The following KIAA0319 variants were observed in gnomAD, a reference collection of about 807,000 sequenced individuals.
KIAA0319 encodes dyslexia-associated protein KIAA0319.
In KIAA0319, 83 loss-of-function variants were observed where a neutral mutation model predicts 108.4. That is an observed-to-expected ratio of 0.77 (90% CI 0.64 to 0.92). The LOEUF (loss-of-function observed/expected upper bound fraction) is 0.92. KIAA0319 is among the 40% of genes least tolerant of loss of function. KIAA0319 has a pLI of 0.00. For missense variants in KIAA0319, 1,195 were observed against 1,322.4 expected (o/e 0.90, Z 1.49); for synonymous variants, 484 against 510.4 (o/e 0.95, Z 0.70).
chr6:24,612,404 T>C (rs138025862), intron 1 of KIAA0319, among the ~76,000 whole-genome samples: 1 of 148,898 alleles, frequency 6.7e-6, no homozygotes, highest in African/African-American at 2.5e-5. Context: ...TGTGCCCAGA[T>C]TGTGCCACTG....
In KIAA0319 at chr6:24,579,889, C is replaced by T; in HGVS notation, c.1341G>A (p.Leu447=). 6.2e-7 allele frequency: 1 copy of T among 1,604,668 alleles called. No individual in the cohort carries two copies. Among genetic ancestry groups the T allele is most frequent in the South Asian group, 1.1e-5 (1 of 89,058 alleles). The change falls in exon 8 of 21, where the codon TTG becomes TTA. Residue 447 remains leucine, a synonymous_variant. Transcript: ENST00000378214. ...CATCAATGAGGGCTGACGTCAAAGG[C>T]AAAGTGAGCTCTTGCAGTTGGGGAG... ...VVSPQLQELT[L]PLTSALIDGS...
intron 14 of KIAA0319, 104 bp from the exon 15 acceptor site, chr6:24,564,444 G>A (rs1192612826): frequency 9.8e-6 from 14 of 1,433,784 alleles, no homozygotes; most frequent in Admixed American, 5.4e-5. Flanking sequence ...TAACACAGGC[G>A]TGACTTTAAG....
intron 1 of KIAA0319, among the ~76,000 whole-genome samples, chr6:24,626,605 T>G (rs892036654): frequency 1.3e-5 from 2 of 152,222 alleles, no homozygotes; most frequent in African/African-American, 2.4e-5. Flanking sequence ...CTACTGAATT[T>G]TATACTTTAC....
intron 1 of KIAA0319, among the ~76,000 whole-genome samples, chr6:24,632,110 C>T (rs1562108634): frequency 6.6e-6 from 1 of 152,114 alleles, no homozygotes; most frequent in Admixed American, 6.5e-5. Flanking sequence ...TTTGCTTTTT[C>T]CCTATGAAGG....
intron 3 of KIAA0319, among the ~76,000 whole-genome samples, chr6:24,591,442 T>C (rs1381972754): frequency 1.6e-4 from 24 of 151,930 alleles, no homozygotes; most frequent in Admixed American, 1.6e-3. Context: ...ACTCTATCTC[T>C]ACAAAAATAA....
At chr6:24,593,019 T>C (rs992442815) in intron 3 of KIAA0319, among the ~76,000 whole-genome samples, 2 of 152,200 alleles carry the variant, frequency 1.3e-5, no homozygotes, top group Admixed American at 1.3e-4. Flanking sequence ...CATTATCTAC[T>C]GGATACCTCT....
At chr6:24,558,362 T>C (rs1762593916) in intron 17 of KIAA0319, among the ~76,000 whole-genome samples, 1 of 100,436 alleles carries the variant, frequency 1.0e-5, no homozygotes, top group Non-Finnish European at 2.1e-5. Flanking sequence ...GATATATATA[T>C]ATCTAGATAG....
chr6:24,582,208 T>G, intron 6 of KIAA0319, 41 bp downstream of exon 6: 1 of 1,116,694 alleles, frequency 9.0e-7, no homozygotes, highest in Non-Finnish European at 1.4e-6. Context: ...TCTATGCCGT[T>G]ACGCTGTGCT....
intron 3 of KIAA0319, among the ~76,000 whole-genome samples, chr6:24,594,544 T>C (rs1769130306): frequency 6.6e-6 from 1 of 151,350 alleles, no homozygotes. Flanking sequence ...GGAGAATCGC[T>C]TGAACCCAGG....
chr6:24,620,317 T>C (rs1400032343), intron 1 of KIAA0319, among the ~76,000 whole-genome samples: 2 of 152,214 alleles, frequency 1.3e-5, no homozygotes, highest in Non-Finnish European at 2.9e-5. Flanking sequence ...TTTTTGTTTT[T>C]TGAGACGGAG....
At chr6:24,600,826 G>A in intron 2 of KIAA0319, 1 of 760,670 alleles carries the variant, frequency 1.3e-6, no homozygotes, top group Non-Finnish European at 2.1e-6. Context: ...TATATGAAAT[G>A]TGATTTTATT....
At chr6:24,607,148 G>A (rs542594705) in intron 1 of KIAA0319, among the ~76,000 whole-genome samples, 1 of 152,352 alleles carries the variant, frequency 6.6e-6, no homozygotes, top group East Asian at 1.9e-4. Flanking sequence ...CTGAGGTCAG[G>A]AATTTGAGAC....
intron 1 of KIAA0319, among the ~76,000 whole-genome samples, chr6:24,612,392 A>G (rs1179853787): frequency 6.6e-6 from 1 of 150,628 alleles, no homozygotes; most frequent in Non-Finnish European, 1.5e-5. Context: ...TCAAGGCTGC[A>G]GTGTGCCCAG....
intron 17 of KIAA0319, among the ~76,000 whole-genome samples, chr6:24,558,394 T>TAGAC (rs1762619829): frequency 1.3e-5 from 2 of 152,176 alleles, no homozygotes; most frequent in Non-Finnish European, 2.9e-5. Flanking sequence ...GATAGATAGA[T>TAGAC]AGATAGATAG....
intron 11 of KIAA0319, among the ~76,000 whole-genome samples, chr6:24,572,205 A>G (rs1427718483): frequency 1.3e-5 from 2 of 152,200 alleles, no homozygotes; most frequent in African/African-American, 2.4e-5. Context: ...TCATGAAACT[A>G]TTAATGAACA....
intron 16 of KIAA0319, among the ~76,000 whole-genome samples, chr6:24,562,167 G>A (rs1383524382): frequency 6.6e-6 from 1 of 152,180 alleles, no homozygotes. Flanking sequence ...GTAGTAATGT[G>A]CCTTATTTCA....
chr6:24,579,666 G>A (rs2760155), intron 8 of KIAA0319, among the ~76,000 whole-genome samples, 192 bp downstream of exon 8: 11,546 of 151,124 alleles, frequency 0.076, 1,095 homozygotes, highest in African/African-American at 0.23. Context: ...TAGAATAGAC[G>A]AAAGGTGAAG....
chr6:24,564,614 T>C (rs1763639897), intron 14 of KIAA0319, among the ~76,000 whole-genome samples: 1 of 152,150 alleles, frequency 6.6e-6, no homozygotes, highest in South Asian at 2.1e-4. Context: ...AATAATTAAT[T>C]GTATCCAACA....
intron 1 of KIAA0319, among the ~76,000 whole-genome samples, chr6:24,638,752 T>C (rs1248328308): frequency 9.9e-6 from 1 of 100,678 alleles, no homozygotes; most frequent in East Asian, 3.8e-4. Flanking sequence ...AGTGCCAGAC[T>C]CCGTCTCAAA....
Sources: allele counts gnomAD v4.1 joint callset (sites outside exome capture counted in the v4.1 genomes callset), GRCh38; gene constraint gnomAD v4.1.1; transcripts MANE v1.5; gene names NCBI Gene and HGNC (gene_info 2026-07-23, HGNC 2026-07-21).